CCDC146: variants seen among roughly 807,000 people sequenced by gnomAD.
CCDC146 encodes coiled-coil domain containing 146.
In CCDC146, 92 loss-of-function variants were observed where a neutral mutation model predicts 119.3. The observed-to-expected ratio is 0.77, with a 90% CI of 0.65 to 0.92. The LOEUF is 0.92. Among genes scored for constraint, CCDC146 ranks in the 40% least tolerant of loss-of-function variants. The pLI, the probability that CCDC146 is intolerant of heterozygous loss-of-function variation, is 0.00. For missense variants in CCDC146, 1,000 were observed against 1,103.0 expected (o/e 0.91, Z 1.32); for synonymous variants, 372 against 371.8 (o/e 1.00, Z -0.01).
At chr7:77,142,340 T>TTATTTATA (rs975454833) in intron 1 of CCDC146, among the ~76,000 whole-genome samples, 2 of 144,552 alleles carry the variant, frequency 1.4e-5, no homozygotes, top group Admixed American at 1.4e-4. Flanking sequence ...ATTTATTTAT[T>TTATTTATA]TATATTATAC....
chr7:77,256,224 C>A (rs1238574715), intron 5 of CCDC146, 109 bp from the exon 6 acceptor site: 2 of 764,694 alleles, frequency 2.6e-6, no homozygotes, highest in African/African-American at 1.8e-5. Flanking sequence ...TCATGAACTT[C>A]AAAACAAATA....
intron 4 of CCDC146, among the ~76,000 whole-genome samples, chr7:77,244,021 A>G (rs34765682): frequency 0.11 from 16,206 of 152,152 alleles, 1,131 homozygotes; most frequent in Non-Finnish European, 0.16. Flanking sequence ...GGGATTACAG[A>G]TGCCCACCAC....
chr7:77,158,444 T>A (rs999689250), intron 1 of CCDC146, among the ~76,000 whole-genome samples: 2 of 152,184 alleles, frequency 1.3e-5, no homozygotes, highest in African/African-American at 4.8e-5. Flanking sequence ...TCAATCATAT[T>A]GCCTGCAATA....
intron 2 of CCDC146, among the ~76,000 whole-genome samples, chr7:77,185,147 A>G (rs1473090146): frequency 6.6e-6 from 1 of 152,110 alleles, no homozygotes; most frequent in Non-Finnish European, 1.5e-5. Flanking sequence ...TCCAGCATTA[A>G]TCATAGCAAA....
At chr7:77,190,494 A>T (rs904303480) in intron 2 of CCDC146, among the ~76,000 whole-genome samples, 74 of 152,198 alleles carry the variant, frequency 4.9e-4, no homozygotes, top group African/African-American at 1.6e-3. Flanking sequence ...GATGAGTGGG[A>T]TGAAGGAGCC....
intron 1 of CCDC146, among the ~76,000 whole-genome samples, chr7:77,161,923 A>G (rs1011634582): frequency 3.3e-5 from 5 of 151,986 alleles, no homozygotes; most frequent in Non-Finnish European, 5.9e-5. Flanking sequence ...CTTTTTATGT[A>G]CTTGTTGGCC....
chr7:77,183,535 G>A lies in CCDC146; in HGVS notation c.156+15711G>A, dbSNP rs1268153693. On this transcript the variant is annotated intron_variant, in intron 2 of 18. Coordinates refer to ENST00000285871, the MANE Select transcript of CCDC146 (RefSeq NM_020879.3). ...ACATATTATTGTTTTCCTAACTAGT[G>A]CCTGGTTTTCCACCCTGCTGATGTC... is the stretch of plus-strand genomic sequence containing the variant. 2.6e-5 allele frequency among the ~76,000 whole-genome samples: 4 copies of A among 152,060 alleles called. No individual in the cohort carries two copies. In the East Asian group the frequency reaches 5.8e-4, roughly 22 times the overall value.
At chr7:77,155,399 T>G (rs1791165017) in intron 1 of CCDC146, among the ~76,000 whole-genome samples, 1 of 152,090 alleles carries the variant, frequency 6.6e-6, no homozygotes, top group Non-Finnish European at 1.5e-5. Flanking sequence ...GCCTTAACAC[T>G]GTTGCAGTGA....
In CCDC146 at chr7:77,295,084, A is replaced by T. The variant is rs1048340476; in HGVS notation, c.*218A>T. The stretch of plus-strand genomic sequence containing the variant: ...CATAGAACTGTCCTACATTTATGTC[A>T]AAGTATATATTTGAATCGCTTATAT... On this transcript the variant is annotated 3_prime_UTR_variant, in exon 19 of 19. Coordinates refer to ENST00000285871, the MANE Select transcript of CCDC146 (RefSeq NM_020879.3). 2.0e-5 allele frequency: 10 copies of T among 509,790 alleles called. No individual in the cohort carries two copies. The highest frequency in any genetic ancestry group is 2.8e-5 in the Non-Finnish European group (8 of 288,176). The allele number at this position is 509,790 out of a possible 1,614,324, so 31.6% of individuals were successfully genotyped here.
chr7:77,160,883 C>G (rs1045747933), intron 1 of CCDC146, among the ~76,000 whole-genome samples: 11 of 152,270 alleles, frequency 7.2e-5, no homozygotes, highest in African/African-American at 2.6e-4. Context: ...TTGCAACCTA[C>G]TCATCTGACA....
chr7:77,200,116 G>A (rs1310117343), intron 2 of CCDC146, among the ~76,000 whole-genome samples: 1 of 152,210 alleles, frequency 6.6e-6, no homozygotes, highest in African/African-American at 2.4e-5. Flanking sequence ...ACTTACGCTT[G>A]AAGTAAATAA....
intron 1 of CCDC146, among the ~76,000 whole-genome samples, chr7:77,127,496 C>A (rs1790706409): frequency 6.6e-6 from 1 of 152,128 alleles, no homozygotes. Context: ...TTGCTAGATT[C>A]AACTTGCTAA....
At chr7:77,133,604 A>G (rs1398654106) in intron 1 of CCDC146, among the ~76,000 whole-genome samples, 2 of 150,566 alleles carry the variant, frequency 1.3e-5, no homozygotes, top group Non-Finnish European at 2.9e-5. Context: ...TCGGCCTCCC[A>G]AAGTTCTGGG....
chr7:77,155,259 G>A (rs1791163558), intron 1 of CCDC146, among the ~76,000 whole-genome samples: 1 of 152,132 alleles, frequency 6.6e-6, no homozygotes, highest in Admixed American at 6.5e-5. Context: ...ATAGCAACAA[G>A]TTCTATAGCC....
Position 77,256,370 on chromosome 7 carries a change from C to G in CCDC146, c.545C>G (p.Thr182Ser). 6.2e-7 allele frequency: 1 copy of G among 1,600,988 alleles called. No homozygotes were observed. Among genetic ancestry groups the G allele is most frequent in the Non-Finnish European group, 8.5e-7 (1 of 1,175,788 alleles). The change falls in exon 6 of 19, where the codon ACT becomes AGT. Residue 182 changes from threonine (T) to serine (S), a missense_variant. Coordinates refer to ENST00000285871, the MANE Select transcript of CCDC146 (RefSeq NM_020879.3). ...EKKMKILRES[T>S]EELRKEIMQK... ...AAGATGAAAATATTGAGAGAAAGCA[C>G]TGAAGAATTACGTAAAGAAATAATG...
chr7:77,294,827 G>A lies in CCDC146; in HGVS notation c.2829G>A (p.Arg943=). 2 of 1,614,032 alleles carry A rather than the reference G, an allele frequency of 1.2e-6. No individual in the cohort carries two copies. The highest frequency in any genetic ancestry group is 1.7e-4 in the Middle Eastern group (1 of 6,034). Reference sequence around the variant, plus strand: ...CCAGTGAACCTGGAGCCAATATGAGGCACATAAGGAAACCTGTTATAAAGC... The same window carrying A: ...CCAGTGAACCTGGAGCCAATATGAGACACATAAGGAAACCTGTTATAAAGC... The part of the protein sequence containing the change: ...FKPSEPGANM[R]HIRKPVIKPV... Residue 943 remains arginine (R), a synonymous_variant, in exon 19 of 19, where the codon AGG becomes AGA. Coordinates refer to ENST00000285871, the MANE Select transcript of CCDC146 (RefSeq NM_020879.3).
At chr7:77,240,291 A>G (rs1353260390) in intron 3 of CCDC146, among the ~76,000 whole-genome samples, 1 of 152,208 alleles carries the variant, frequency 6.6e-6, no homozygotes, top group East Asian at 1.9e-4. Flanking sequence ...CACCAGCGGT[A>G]GTACTTGTCA....
chr7:77,132,988 A>G (rs201878553), intron 1 of CCDC146, among the ~76,000 whole-genome samples: 1 of 152,080 alleles, frequency 6.6e-6, no homozygotes, highest in Non-Finnish European at 1.5e-5. Context: ...TCTGGCTAAC[A>G]TGGTGAAACC....
intron 1 of CCDC146, among the ~76,000 whole-genome samples, chr7:77,157,089 GT>G: frequency 9.1e-6 from 1 of 109,580 alleles, no homozygotes; most frequent in Non-Finnish European, 1.8e-5. Flanking sequence ...TCAGCTCTGA[GT>G]TCCTGTAGAA....
Sources: allele counts gnomAD v4.1 joint callset (sites outside exome capture counted in the v4.1 genomes callset), GRCh38; gene constraint gnomAD v4.1.1; transcripts MANE v1.5; gene names NCBI Gene and HGNC (gene_info 2026-07-23, HGNC 2026-07-21).